CEP162: variants seen among roughly 807,000 people sequenced by gnomAD.
CEP162 encodes the protein centrosomal protein 162.
A neutral mutation model predicts 169.2 loss-of-function variants in CEP162; 141 were observed. The ratio of observed to expected loss-of-function variants is 0.83; its 90% CI spans 0.73 to 0.96. CEP162 has a LOEUF of 0.96. Among genes scored for constraint, CEP162 ranks in the 40% least tolerant of loss-of-function variants. The pLI, the probability that CEP162 is intolerant of heterozygous loss-of-function variation, is 0.00. For missense variants in CEP162, 1,600 were observed against 1,587.2 expected (o/e 1.01, Z -0.14); for synonymous variants, 540 against 526.4 (o/e 1.03, Z -0.35).
intron 2 of CEP162, among the ~76,000 whole-genome samples, chr6:84,222,975 T>G (rs561898509): frequency 5.3e-5 from 8 of 152,338 alleles, no homozygotes; most frequent in African/African-American, 1.9e-4. Flanking sequence ...ACTTTTTACT[T>G]ACTCTCTAAA....
At chr6:84,222,488 C>A (rs1326772588) in intron 2 of CEP162, among the ~76,000 whole-genome samples, 2 of 152,160 alleles carry the variant, frequency 1.3e-5, no homozygotes, top group East Asian at 3.8e-4. Flanking sequence ...GGAAAAGAAA[C>A]CAACATTTAC....
chr6:84,208,019 A>ATTT (rs375738078), intron 6 of CEP162, among the ~76,000 whole-genome samples: 1,418 of 132,856 alleles, frequency 0.011, 42 homozygotes, highest in African/African-American at 0.037. Context: ...AGGTTGATTG[A>ATTT]TTTTTTTTTT....
chr6:84,145,887 T>C (rs2099518639), intron 25 of CEP162, among the ~76,000 whole-genome samples: 1 of 152,150 alleles, frequency 6.6e-6, no homozygotes, highest in Admixed American at 6.6e-5. Flanking sequence ...ATTCAGAAAT[T>C]AGTATACAGA....
At chr6:84,168,289 C>A (rs375302932) in intron 18 of CEP162, among the ~76,000 whole-genome samples, 2 of 152,084 alleles carry the variant, frequency 1.3e-5, no homozygotes, top group East Asian at 3.9e-4. Context: ...ATTCATTTAC[C>A]TTTCTACCTA....
intron 3 of CEP162, 51 bp downstream of exon 3, chr6:84,221,006 A>C: frequency 1.1e-6 from 1 of 917,630 alleles, no homozygotes; most frequent in South Asian, 1.4e-5. Context: ...AGAAGTCTTG[A>C]CTGACCCCTT....
intron 25 of CEP162, among the ~76,000 whole-genome samples, chr6:84,139,374 C>G (rs1297934491): frequency 6.6e-6 from 1 of 152,178 alleles, no homozygotes; most frequent in Non-Finnish European, 1.5e-5. Context: ...TTCTAAGCCA[C>G]TGTTTTGAGT....
intron 6 of CEP162, among the ~76,000 whole-genome samples, chr6:84,206,418 C>T (rs1235676112): frequency 6.6e-6 from 1 of 152,050 alleles, no homozygotes; most frequent in Admixed American, 6.6e-5. Flanking sequence ...TAATACCACA[C>T]ATCTACAACT....
intron 6 of CEP162, among the ~76,000 whole-genome samples, chr6:84,211,526 C>CAAAA (rs960472453): frequency 1.8e-3 from 65 of 35,510 alleles, no homozygotes; most frequent in African/African-American, 4.4e-3. Context: ...GATTCTATCT[C>CAAAA]AAAAAAAAAA....
rs753152707 is a variant in CEP162 at position 84,186,348 on chromosome 6, T to C, written c.1385A>G (p.Asp462Gly). ...ITVNSSSLSQ[D>G]DKINKTYRSQ... Reference sequence around the variant, plus strand: ...AATACTTACTTTATTAATTTTGTCATCCTGAGATAATGATGAAGAATTAAC... The same window carrying C: ...AATACTTACTTTATTAATTTTGTCACCCTGAGATAATGATGAAGAATTAAC... The change falls in exon 12 of 27, where the codon GAT (aspartate) becomes GGT (glycine). Residue 462 changes from aspartate (D) to glycine (G), a missense_variant. Coordinates refer to ENST00000403245, the MANE Select transcript of CEP162 (RefSeq NM_014895.4). 12 of 1,424,720 alleles carry C rather than the reference T, an allele frequency of 8.4e-6. No homozygotes were observed. Among genetic ancestry groups the C allele is most frequent in the South Asian group, 1.2e-5 (1 of 85,776 alleles). 88.3% of individuals were successfully genotyped at this position (1,424,720 alleles called of 1,614,324 possible).
chr6:84,178,655 C>T (rs1395576486), intron 13 of CEP162, among the ~76,000 whole-genome samples: 1 of 152,054 alleles, frequency 6.6e-6, no homozygotes, highest in South Asian at 2.1e-4. Flanking sequence ...CAAACCTTAT[C>T]TCCTTTTCTT....
At chr6:84,217,392 G>A (rs1483547293) in intron 3 of CEP162, among the ~76,000 whole-genome samples, 2 of 152,214 alleles carry the variant, frequency 1.3e-5, no homozygotes, top group Non-Finnish European at 2.9e-5. Context: ...TAACACGTGA[G>A]CTATGGCTTG....
chr6:84,183,858 G>A lies in CEP162; in HGVS notation c.1663+1329C>T, dbSNP rs978382564. Reference sequence around the variant, plus strand: ...TCACTAACTTTAATTAGACTGCCTTGGCTCCTGACAGTCTAACTCTCCTAG... The same window carrying A: ...TCACTAACTTTAATTAGACTGCCTTAGCTCCTGACAGTCTAACTCTCCTAG... On this transcript the variant is annotated intron_variant, in intron 13 of 26. Transcript: ENST00000403245. Among the ~76,000 whole-genome samples, 4 of 152,004 alleles carry A rather than the reference G, an allele frequency of 2.6e-5. 1 individual carries two copies. Among genetic ancestry groups the A allele is most frequent in the African/African-American group, 9.7e-5 (4 of 41,396 alleles).
At chr6:84,150,739 G>C (rs1401676335) in intron 23 of CEP162, among the ~76,000 whole-genome samples, 2 of 152,128 alleles carry the variant, frequency 1.3e-5, no homozygotes, top group Non-Finnish European at 2.9e-5. Context: ...TTCTTAAAGA[G>C]CTTCATGCTA....
intron 18 of CEP162, among the ~76,000 whole-genome samples, chr6:84,167,500 T>A (rs952944123): frequency 2.0e-5 from 3 of 152,182 alleles, no homozygotes; most frequent in African/African-American, 7.2e-5. Context: ...TGCCTGCTGA[T>A]GGTGGGCTGT....
intron 13 of CEP162, among the ~76,000 whole-genome samples, chr6:84,182,077 T>G (rs1025641205): frequency 6.6e-6 from 1 of 152,094 alleles, no homozygotes; most frequent in African/African-American, 2.4e-5. Context: ...TAATATCCTA[T>G]TTTAAAAGAA....
At chr6:84,204,343 G>A (rs141406444) in intron 6 of CEP162, among the ~76,000 whole-genome samples, 1 of 152,170 alleles carries the variant, frequency 6.6e-6, no homozygotes, top group African/African-American at 2.4e-5. Context: ...GCACTCCTCG[G>A]CAAATGTAAA....
chr6:84,175,355 T>C lies in CEP162; in HGVS notation c.1664-8A>G. The stretch of plus-strand genomic sequence containing the variant: ...TTGTTCCAGATAAGATTTCTAAATA[T>C]TATAAACAATGTATAAATGCACCAC... On this transcript the variant is annotated splice_region_variant and splice_polypyrimidine_tract_variant and intron_variant, in intron 13 of 26. Transcript: ENST00000403245. The C allele has an allele frequency of 2.6e-6, 4 of 1,526,184 alleles. No individual in the cohort carries two copies. Among genetic ancestry groups the C allele is most frequent in the Non-Finnish European group, 3.5e-6 (4 of 1,131,502 alleles). 94.5% of individuals were successfully genotyped at this position (1,526,184 alleles called of 1,614,324 possible).
chr6:84,163,345 C>G (rs2099526507), intron 18 of CEP162, 75 bp from the exon 19 acceptor site: 1 of 1,088,362 alleles, frequency 9.2e-7, no homozygotes, highest in South Asian at 1.5e-5. Flanking sequence ...TTCAAACAAT[C>G]CATCATGAAC....
intron 10 of CEP162, among the ~76,000 whole-genome samples, chr6:84,194,363 A>G (rs548462270): frequency 6.9e-6 from 1 of 143,932 alleles, no homozygotes; most frequent in Non-Finnish European, 1.6e-5. Context: ...TCAAAAAAAA[A>G]AAAAGAAAAG....
Sources: gnomAD v4.1 joint callset for allele counts (sites outside exome capture counted in the v4.1 genomes callset) on GRCh38, gnomAD v4.1.1 for gene constraint, MANE v1.5 for transcripts, NCBI Gene and HGNC (gene_info 2026-07-23, HGNC 2026-07-21) for gene names.